The following SMYD3 variants were observed in gnomAD, a reference collection of about 807,000 sequenced individuals.
SMYD3 encodes SET and MYND domain containing 3.
Under a neutral mutation model 57.7 loss-of-function variants are expected in SMYD3, and 36 were observed. The observed-to-expected ratio is 0.62, with a 90% confidence interval of 0.48 to 0.82. SMYD3 has a LOEUF of 0.82. SMYD3 is among the 40% of genes least tolerant of loss of function. SMYD3 has a pLI of 0.00. For synonymous variants in SMYD3, 211 were observed against 195.0 expected, an observed-to-expected ratio of 1.08 and a Z score of -0.68; for missense variants, 515 against 538.8, an observed-to-expected ratio of 0.96 and a Z score of 0.44.
intron 5 of SMYD3, among the ~76,000 whole-genome samples, chr1:246,119,545 T>G (rs1189831163): frequency 6.6e-6 from 1 of 152,040 alleles, no homozygotes; most frequent in African/African-American, 2.4e-5. Flanking sequence ...CCTGAGTAGC[T>G]GAGACTACAG....
At chr1:246,342,612 T>C (rs2065650052) in intron 2 of SMYD3, among the ~76,000 whole-genome samples, 1 of 152,208 alleles carries the variant, frequency 6.6e-6, no homozygotes, top group Non-Finnish European at 1.5e-5. Context: ...TAGTGATAGA[T>C]ATGAGACTTC....
At chr1:246,362,904 C>T (rs1392498667) in intron 1 of SMYD3, among the ~76,000 whole-genome samples, 1 of 151,572 alleles carries the variant, frequency 6.6e-6, no homozygotes, top group Non-Finnish European at 1.5e-5. Context: ...AAGTGAGGAG[C>T]GTCTCTGCCT....
intron 5 of SMYD3, among the ~76,000 whole-genome samples, chr1:246,063,126 G>A (rs4417032): frequency 0.36 from 54,207 of 152,018 alleles, 12,019 homozygotes; most frequent in African/African-American, 0.62. Flanking sequence ...CACAGCTGCA[G>A]TTTATTACAG....
chr1:245,798,388 G>GCACACACACACACACACA (rs201844137), intron 10 of SMYD3, among the ~76,000 whole-genome samples: 1 of 2,380 alleles, frequency 4.2e-4, no homozygotes, highest in African/African-American at 2.4e-3. Flanking sequence ...ACACACACAC[G>GCACACACACACACACACA]CGCACACACA....
At chr1:245,876,318 C>G (rs551511681) in intron 8 of SMYD3, among the ~76,000 whole-genome samples, 1 of 152,244 alleles carries the variant, frequency 6.6e-6, no homozygotes, top group South Asian at 2.1e-4. Context: ...AGACCGGGTT[C>G]CATCGAGGCA....
intron 11 of SMYD3, among the ~76,000 whole-genome samples, chr1:245,760,413 T>G (rs4654084): frequency 0.034 from 5,139 of 152,200 alleles, 208 homozygotes; most frequent in Admixed American, 0.11. Context: ...AAGACTTTCT[T>G]CAGGAAGAAA....
chr1:246,434,020 G>A (rs1405884042), intron 1 of SMYD3, among the ~76,000 whole-genome samples: 1 of 152,194 alleles, frequency 6.6e-6, no homozygotes, highest in Admixed American at 6.5e-5. Context: ...AAGCAATGGG[G>A]AAAGGACCCT....
At chr1:246,459,088 C>T (rs370881730) in intron 1 of SMYD3, among the ~76,000 whole-genome samples, 1 of 152,142 alleles carries the variant, frequency 6.6e-6, no homozygotes, top group African/African-American at 2.4e-5. Context: ...GGCAGACTTC[C>T]CCGTGCTGTT....
chr1:246,098,460 G>C (rs904655287), intron 5 of SMYD3, among the ~76,000 whole-genome samples: 3 of 152,056 alleles, frequency 2.0e-5, no homozygotes, highest in Non-Finnish European at 4.4e-5. Flanking sequence ...TTTAGAAAAA[G>C]GCTACAATTT....
At chr1:246,442,704 A>T (rs1037606303) in intron 1 of SMYD3, among the ~76,000 whole-genome samples, 5 of 152,208 alleles carry the variant, frequency 3.3e-5, no homozygotes, top group African/African-American at 2.4e-5. Flanking sequence ...AAATATATAT[A>T]TATTTTGAAC....
chr1:246,489,853 G>C (rs1393783942), intron 1 of SMYD3, among the ~76,000 whole-genome samples: 1 of 151,658 alleles, frequency 6.6e-6, no homozygotes, highest in Non-Finnish European at 1.5e-5. Context: ...TATTTTTTTT[G>C]AGACAGAGTC....
intron 5 of SMYD3, among the ~76,000 whole-genome samples, chr1:246,155,371 C>T (rs755834564): frequency 2.6e-5 from 4 of 152,280 alleles, no homozygotes; most frequent in African/African-American, 7.2e-5. Flanking sequence ...TATTTCCATA[C>T]GTTTCTTGTT....
chr1:246,429,467 C>T lies in SMYD3; in HGVS notation c.165-74373G>A, dbSNP rs72778150. ...GTTATGTCAAAAATGTAGGAGGAAA[C>T]GTCCATCTTACAATAAAACAAAAAT... On this transcript the variant is annotated intron_variant, in intron 1 of 11. Transcript: ENST00000490107. 6.0e-3 allele frequency among the ~76,000 whole-genome samples: 907 copies of T among 152,238 alleles called. 6 individuals are homozygous for T. The highest frequency in any genetic ancestry group is 0.017 in the Middle Eastern group (5 of 294).
At chr1:246,363,690 A>G (rs2066048671) in intron 1 of SMYD3, among the ~76,000 whole-genome samples, 1 of 152,138 alleles carries the variant, frequency 6.6e-6, no homozygotes, top group Non-Finnish European at 1.5e-5. Context: ...GGGCTGTGCA[A>G]GATGTGCTTT....
intron 5 of SMYD3, among the ~76,000 whole-genome samples, chr1:246,312,466 C>T (rs557606109): frequency 3.2e-4 from 49 of 152,006 alleles, no homozygotes; most frequent in Non-Finnish European, 5.9e-4. Context: ...TCTTTAAAAG[C>T]AGCATAAGCA....
At chr1:246,264,808 A>G (rs898597490) in intron 5 of SMYD3, among the ~76,000 whole-genome samples, 1 of 152,194 alleles carries the variant, frequency 6.6e-6, no homozygotes, top group Non-Finnish European at 1.5e-5. Context: ...ACAAAGAAAG[A>G]CAGTGGGGAT....
chr1:246,030,888 C>G (rs1418224447), intron 5 of SMYD3, among the ~76,000 whole-genome samples: 1 of 152,004 alleles, frequency 6.6e-6, no homozygotes, highest in Non-Finnish European at 1.5e-5. Flanking sequence ...TTACGTAAAT[C>G]CCAAAATAGA....
intron 1 of SMYD3, among the ~76,000 whole-genome samples, chr1:246,395,432 G>A (rs2066643383): frequency 6.6e-6 from 1 of 152,192 alleles, no homozygotes; most frequent in Admixed American, 6.5e-5. Context: ...CCTTCAGCCT[G>A]AGACAAATTG....
chr1:246,076,070 C>G (rs937269091), intron 5 of SMYD3, among the ~76,000 whole-genome samples: 3 of 151,942 alleles, frequency 2.0e-5, no homozygotes, highest in Non-Finnish European at 4.4e-5. Flanking sequence ...AATTCTATTT[C>G]TTGCCAATGT....
Sources: gnomAD v4.1 joint callset for allele counts (sites outside exome capture counted in the v4.1 genomes callset) on GRCh38, gnomAD v4.1.1 for gene constraint, MANE v1.5 for transcripts, NCBI Gene and HGNC (gene_info 2026-07-23, HGNC 2026-07-21) for gene names.